SH3TC1: variants seen among roughly 807,000 people sequenced by gnomAD.
SH3TC1 encodes the protein SH3 domain and tetratricopeptide repeats 1.
A neutral mutation model predicts 117.3 loss-of-function variants in SH3TC1; 135 were observed. The ratio of observed to expected loss-of-function variants is 1.15; its 90% CI spans 1.00 to 1.33. The LOEUF (loss-of-function observed/expected upper bound fraction) is 1.33, where lower values mean the gene tolerates loss of function less well. Among genes scored for constraint, SH3TC1 ranks in the 40% most tolerant of loss-of-function variants. SH3TC1 has a pLI of 0.00. For synonymous variants in SH3TC1, 898 were observed against 816.9 expected (o/e 1.10, Z -1.69); for missense variants, 2,092 against 1,794.3 (o/e 1.17, Z -3.00).
intron 10 of SH3TC1, among the ~76,000 whole-genome samples, chr4:8,224,811 T>C (rs1404730131): frequency 6.6e-6 from 1 of 152,130 alleles, no homozygotes; most frequent in Non-Finnish European, 1.5e-5. Flanking sequence ...GAGAGCGTGC[T>C]CCCCACTGAT....
intron 8 of SH3TC1, among the ~76,000 whole-genome samples, 191 bp downstream of exon 8, chr4:8,218,538 T>G (rs1199085485): frequency 6.6e-6 from 1 of 152,178 alleles, no homozygotes; most frequent in Non-Finnish European, 1.5e-5. Flanking sequence ...AACCGAGTCT[T>G]CTCCAGCTTG....
chr4:8,240,618 A>T, intron 17 of SH3TC1, 80 bp from the exon 18 acceptor site: 1 of 1,579,024 alleles, frequency 6.3e-7, no homozygotes, highest in South Asian at 1.2e-5. Flanking sequence ...GGACATGTGG[A>T]ATGACCTGGG....
At position 8,205,616 on chromosome 4, in the gene SH3TC1, A is replaced by T; in HGVS notation, c.172+250A>T. 1 of 769,540 alleles carries T rather than the reference A, an allele frequency of 1.3e-6. No individual in the cohort carries two copies. The highest frequency in any genetic ancestry group is 2.4e-6 in the Non-Finnish European group (1 of 421,766). The allele number at this position is 769,540 out of a possible 1,614,324, so 47.7% of individuals were successfully genotyped here. A position where few individuals can be genotyped will look rare whatever the true frequency, so the allele number is the denominator to read the frequency against. ...CCAGGGACGCGTCAGTGATAACAAA[A>T]CTGGCAAAGAACGAGGCAGGGGCCT... On this transcript the variant is annotated intron_variant, in intron 2 of 17. Transcript: ENST00000245105. The surrounding 1 kb of genome is among the most constrained non-coding windows in gnomAD (Gnocchi z 5.4).
rs1365638752 is a variant in SH3TC1 at position 8,190,601 on chromosome 4, G to T, written c.-57+8391G>T. On this transcript the variant is annotated intron_variant, in intron 1 of 16. Transcript: ENST00000508641. The surrounding 1 kb of genome is among the most constrained non-coding windows in gnomAD (Gnocchi z 4.7). ...TCGGTCACCCACACCCCACCAGCCGGCTGGTCCACAGGGTGTTTCTGAGGC... is the reference window on the plus strand; with the variant it reads ...TCGGTCACCCACACCCCACCAGCCGTCTGGTCCACAGGGTGTTTCTGAGGC... Among the ~76,000 whole-genome samples the T allele has an allele frequency of 6.6e-6, 1 of 152,130 alleles. No individual in the cohort carries two copies. Among genetic ancestry groups the T allele is most frequent in the Non-Finnish European group, 1.5e-5 (1 of 68,016 alleles).
rs757887780 is a variant in SH3TC1, at chr4:8,219,466, G to T, written c.1048G>T (p.Ala350Ser). The T allele has an allele frequency of 5.0e-6, 8 of 1,604,762 alleles. No individual in the cohort carries two copies. The highest frequency in any genetic ancestry group is 4.5e-5 in the East Asian group (2 of 44,420). The stretch of plus-strand genomic sequence containing the variant: ...CCTGCCCTGGTGCGTGGGCCGACAC[G>T]CAGCCTCGGGCCGGGTGGGGTTTGT... ...PSLPWCVGRH[A>S]ASGRVGFVRS... The change falls in exon 9 of 18, where the codon GCA becomes TCA. Residue 350 changes from alanine (A) to serine (S), a missense_variant. Ala to Ser is a moderately conservative substitution (Grantham distance 99). Transcript: ENST00000245105.
chr4:8,214,501 CCA>C lies in SH3TC1; in HGVS notation c.405_406del (p.His135GlnfsTer2). ...GELSARLLSI[H>X]SDQDRIVVTF... ...AATTATCAGCCAGGCTGCTGTCCAT[CCA>C]CAGTGACCAGGACCGGATCGTGGTG... On this transcript the variant is annotated frameshift_variant, in exon 5 of 18. Coordinates refer to ENST00000245105, the MANE Select transcript of SH3TC1 (RefSeq NM_018986.5). LOFTEE classifies it high-confidence loss of function. 6.2e-7 allele frequency: 1 copy of C among 1,613,974 alleles called. No individual in the cohort carries two copies. The highest frequency in any genetic ancestry group is 8.5e-7 in the Non-Finnish European group (1 of 1,179,964).
In SH3TC1 at chr4:8,216,139, G is replaced by A. The variant is rs1719245417; in HGVS notation, c.510G>A (p.Leu170=). ...LGFTHHCLAN[L]LMDQAFWLLL... ...TCACTCATCACTGCCTGGCAAACCT[G>A]CTCATGGACCAGGCCTTCTGGCTGC... Residue 170 remains leucine (L), a synonymous_variant, in exon 6 of 18, where the codon CTG becomes CTA. Transcript: ENST00000245105. The A allele has an allele frequency of 1.9e-6, 3 of 1,613,484 alleles. No individual in the cohort carries two copies. The highest frequency in any genetic ancestry group is 2.5e-6 in the Non-Finnish European group (3 of 1,180,020).
chr4:8,202,031 G>A (rs1311529566), intron 1 of SH3TC1, among the ~76,000 whole-genome samples: 2 of 152,204 alleles, frequency 1.3e-5, no homozygotes, highest in African/African-American at 2.4e-5. Flanking sequence ...CAGGGAGCTC[G>A]CATGCCCAGG....
intron 9 of SH3TC1, among the ~76,000 whole-genome samples, chr4:8,220,076 A>G (rs930038955): frequency 6.6e-6 from 1 of 152,066 alleles, no homozygotes; most frequent in African/African-American, 2.4e-5. Flanking sequence ...CACCCATCCA[A>G]CTCCAATCTG....
At chr4:8,224,997 G>C (rs2152990191) in intron 10 of SH3TC1, 178 bp from the exon 11 acceptor site, 3 of 703,660 alleles carry the variant, frequency 4.3e-6, no homozygotes, top group East Asian at 5.6e-5. Context: ...ACCTCAGCCT[G>C]CAACACCTGC....
intron 17 of SH3TC1, among the ~76,000 whole-genome samples, chr4:8,239,108 A>G (rs1722084749): frequency 6.6e-6 from 1 of 152,218 alleles, no homozygotes; most frequent in Non-Finnish European, 1.5e-5. Flanking sequence ...TGCCTCTAAA[A>G]TGGGGTCCCC....
chr4:8,212,777 C>G lies in SH3TC1; in HGVS notation c.324C>G (p.Gly108=). 1.9e-6 allele frequency: 3 copies of G among 1,610,634 alleles called. No homozygotes were observed. The highest frequency in any genetic ancestry group is 2.5e-6 in the Non-Finnish European group (3 of 1,178,980). ...CCGGCCTACAGCAGACCCTCCGGGG[C>G]CAGCTCCGCCTGCTGGAGAATGATA... ...RDPGLQQTLR[G]QLRLLENDSR... Residue 108 remains glycine, a synonymous_variant, in exon 4 of 18, where the codon GGC becomes GGG. Transcript: ENST00000245105.
intron 16 of SH3TC1, chr4:8,237,225 C>T (rs1721900056): frequency 7.2e-6 from 3 of 416,124 alleles, no homozygotes; most frequent in Non-Finnish European, 8.4e-6. Flanking sequence ...TGAGCAAAGG[C>T]AGGTGGCTAT....
Position 8,205,276 on chromosome 4 carries a change from A to C in SH3TC1, c.82A>C (p.Thr28Pro), listed in dbSNP as rs1480379311. 6.4e-7 allele frequency: 1 copy of C among 1,550,468 alleles called. No individual in the cohort carries two copies. Among genetic ancestry groups the C allele is most frequent in the Non-Finnish European group, 8.7e-7 (1 of 1,147,046 alleles). ...TGTGGGACCCTCAGGAGGTGGCAGCACCCGGGACCAGGTCCGGACTGTGGT... is the reference window on the plus strand; with the variant it reads ...TGTGGGACCCTCAGGAGGTGGCAGCCCCCGGGACCAGGTCCGGACTGTGGT... ...GPVGPSGGGS[T>P]RDQVRTVVMR... The change falls in exon 2 of 18, where the codon ACC becomes CCC. Residue 28 changes from threonine to proline, a missense_variant. Physicochemically the swap from Thr to Pro is conservative, Grantham distance 38. Transcript: ENST00000245105. This position sits in a 1 kb window ranked among gnomAD's most constrained non-coding sequence, Gnocchi z 5.4.
At chr4:8,215,412 C>T (rs1578683154) in intron 5 of SH3TC1, among the ~76,000 whole-genome samples, 3 of 152,306 alleles carry the variant, frequency 2.0e-5, no homozygotes, top group African/African-American at 7.2e-5. Flanking sequence ...TGAGGCTCAT[C>T]CCACTGTGGA....
chr4:8,199,932 CAG>C (rs1301468679), intron 1 of SH3TC1, among the ~76,000 whole-genome samples: 1 of 152,214 alleles, frequency 6.6e-6, no homozygotes, highest in Non-Finnish European at 1.5e-5. Flanking sequence ...GCAACTGGAC[CAG>C]GGGCTTCAGC....
chr4:8,237,755 GCCTT>G (rs1290100442), intron 17 of SH3TC1, 85 bp downstream of exon 17: 3 of 1,412,084 alleles, frequency 2.1e-6, no homozygotes, highest in Non-Finnish European at 2.8e-6. Flanking sequence ...ATGTGTTCCA[GCCTT>G]CCTTAAGAAT....
Position 8,225,197 on chromosome 4 carries a change from C to T in SH3TC1, c.1266C>T (p.Thr422=), listed in dbSNP as rs139998232. The change falls in exon 11 of 18, where the codon ACC becomes ACT. Residue 422 remains threonine, a synonymous_variant. Transcript: ENST00000245105. This position sits in a 1 kb window ranked among gnomAD's most constrained non-coding sequence, Gnocchi z 5.5. The stretch of plus-strand genomic sequence containing the variant: ...CAGACTCAGTAGAGGAAGCTGAGAC[C>T]GAGCAGCCGCAGGAAAAAGGTGGGT... ...YSLDSVEEAE[T]EQPQEKEIPP... 185 of 1,613,654 alleles carry T rather than the reference C, an allele frequency of 1.1e-4. No individual in the cohort carries two copies. The highest frequency in any genetic ancestry group is 3.6e-4 in the East Asian group (16 of 44,878).
At chr4:8,236,624 C>T (rs999238791) in intron 16 of SH3TC1, 196 bp downstream of exon 16, 3 of 583,188 alleles carry the variant, frequency 5.1e-6, no homozygotes, top group Non-Finnish European at 8.0e-6. Flanking sequence ...GAGCTCCCTG[C>T]CTGGCTGAGC....
Sources: allele counts gnomAD v4.1 joint callset (sites outside exome capture counted in the v4.1 genomes callset), GRCh38; gene constraint gnomAD v4.1.1; non-coding constraint Gnocchi (gnomAD v3.1); transcripts MANE v1.5; gene names NCBI Gene and HGNC (gene_info 2026-07-23, HGNC 2026-07-21).